The following TDRD6 variants were observed in gnomAD, a reference collection of about 807,000 sequenced individuals.
TDRD6 encodes tudor domain containing 6.
Under a neutral mutation model 157.5 loss-of-function variants are expected in TDRD6, and 186 were observed. That is an observed-to-expected ratio of 1.18 (90% CI 1.05 to 1.33). The LOEUF (loss-of-function observed/expected upper bound fraction) is 1.33. Ranked by LOEUF, TDRD6 falls within the 40% of genes most tolerant of loss-of-function variation. TDRD6 has a pLI of 0.00. For synonymous variants in TDRD6, 1,075 were observed against 945.2 expected, an observed-to-expected ratio of 1.14 and a Z score of -2.52; for missense variants, 3,066 against 2,508.0, an observed-to-expected ratio of 1.22 and a Z score of -4.75.
rs1302939635 is a variant in TDRD6 at position 46,692,233 on chromosome 6, T to G, written c.4105T>G (p.Trp1369Gly). Residue 1369 changes from tryptophan to glycine, a missense_variant, in exon 1 of 4, where the codon TGG becomes GGG. Transcript: ENST00000316081. ...TGCTGTTTTCCCAGAAGATAATTTA[T>G]GGTATCGTGCTGTGATCAAGGAGCA... is the stretch of plus-strand genomic sequence containing the variant. ...ICAVFPEDNL[W>G]YRAVIKEQQP... 1 of 1,614,006 alleles carries G rather than the reference T, an allele frequency of 6.2e-7. No individual in the cohort carries two copies. The highest frequency in any genetic ancestry group is 8.5e-7 in the Non-Finnish European group (1 of 1,180,004).
In TDRD6 at chr6:46,691,626, A is replaced by G. The variant is rs1290327710; in HGVS notation, c.3498A>G (p.Arg1166=). Reference sequence around the variant, plus strand: ...TACTTAGTTACAAAGATAGAATAAGAAAAAAAGAAAGTGAAGTCCTCTGTT... The same window carrying G: ...TACTTAGTTACAAAGATAGAATAAGGAAAAAAGAAAGTGAAGTCCTCTGTT... ...LGLLSYKDRI[R]KKESEVLCST... is the part of the protein sequence containing the mutation. The change falls in exon 1 of 4, where the codon AGA becomes AGG. Residue 1166 remains arginine (R), a synonymous_variant. Transcript: ENST00000316081. 5 of 1,613,044 alleles carry G rather than the reference A, an allele frequency of 3.1e-6. No individual in the cohort carries two copies. In the African/African-American group the frequency reaches 5.3e-5, roughly 17 times the overall value.
chr6:46,696,474 G>GTGTATATA (rs529814142), intron 2 of TDRD6, among the ~76,000 whole-genome samples: 1 of 131,512 alleles, frequency 7.6e-6, no homozygotes, highest in Admixed American at 7.9e-5. Flanking sequence ...GTATATGTGT[G>GTGTATATA]TATATATATA....
At chr6:46,699,556 C>T (rs557094693) in intron 3 of TDRD6, among the ~76,000 whole-genome samples, 8 of 152,250 alleles carry the variant, frequency 5.3e-5, no homozygotes, top group African/African-American at 1.9e-4. Context: ...TCCTTTATCC[C>T]TAGTCCACTG....
upstream of TDRD6, among the ~76,000 whole-genome samples, chr6:46,686,643 GA>G (rs1764102748): frequency 6.6e-6 from 1 of 152,176 alleles, no homozygotes. Context: ...AGTTTTCAAG[GA>G]TGAGTTCTTC....
intron 2 of TDRD6, 88 bp downstream of exon 2, chr6:46,696,033 A>G (rs1764486271): frequency 1.4e-6 from 2 of 1,414,070 alleles, no homozygotes; most frequent in South Asian, 2.7e-5. Context: ...AGAGAACGCG[A>G]TTGAACAAAT....
chr6:46,691,637 G>C lies in TDRD6; in HGVS notation c.3509G>C (p.Ser1170Thr). The C allele has an allele frequency of 6.2e-7, 1 of 1,613,208 alleles. No homozygotes were observed. Among genetic ancestry groups the C allele is most frequent in the South Asian group, 1.1e-5 (1 of 91,030 alleles). Residue 1170 changes from serine (S) to threonine (T), a missense_variant, in exon 1 of 4, where the codon AGT (serine) becomes ACT (threonine). By Grantham distance (58) the Ser-to-Thr change is moderately conservative. Transcript: ENST00000316081. ...SYKDRIRKKE[S>T]EVLCSTTETL... ...AAAGATAGAATAAGAAAAAAAGAAA[G>C]TGAAGTCCTCTGTTCTACAACTGAA...
At position 46,690,791 on chromosome 6, in the gene TDRD6, T is replaced by C. The variant is rs775001820; in HGVS notation, c.2663T>C (p.Ile888Thr). 6.2e-7 allele frequency: 1 copy of C among 1,614,104 alleles called. No individual in the cohort carries two copies. Among genetic ancestry groups the C allele is most frequent in the Non-Finnish European group, 8.5e-7 (1 of 1,180,002 alleles). Residue 888 changes from isoleucine (I) to threonine (T), a missense_variant, in exon 1 of 4, where the codon ATT (isoleucine) becomes ACT (threonine). Physicochemically the swap from Ile to Thr is moderately conservative, Grantham distance 89. Coordinates refer to ENST00000316081, the MANE Select transcript of TDRD6 (RefSeq NM_001010870.3). ...QAFRCSLYNL[I>T]QPVGQNPFVW... Reference sequence around the variant, plus strand: ...TTTAGGTGCAGTCTTTATAATTTAATTCAACCAGTTGGCCAGAATCCCTTT... The same window carrying C: ...TTTAGGTGCAGTCTTTATAATTTAACTCAACCAGTTGGCCAGAATCCCTTT...
At chr6:46,695,968 A>G in intron 2 of TDRD6, 23 bp downstream of exon 2, 1 of 1,605,116 alleles carries the variant, frequency 6.2e-7, no homozygotes, top group Non-Finnish European at 8.5e-7. Flanking sequence ...TAAGTACTTT[A>G]TCTCCAAATG....
Position 46,688,225 on chromosome 6 carries a change from T to C in TDRD6, c.97T>C (p.Trp33Arg). 6.5e-7 allele frequency: 1 copy of C among 1,530,938 alleles called. No homozygotes were observed. The highest frequency in any genetic ancestry group is 8.7e-7 in the Non-Finnish European group (1 of 1,146,028). The allele number at this position is 1,530,938 out of a possible 1,614,324, so 94.8% of individuals were successfully genotyped here. ...TCCCGATGTGATCCCGGTGCAGCTG[T>C]GGGGGCTGGTGGGCGAGCGGCGGGG... ...VHPDVIPVQL[W>R]GLVGERRGEY... Residue 33 changes from tryptophan (W) to arginine (R), a missense_variant, in exon 1 of 4, where the codon TGG becomes CGG. Coordinates refer to ENST00000316081, the MANE Select transcript of TDRD6 (RefSeq NM_001010870.3).
chr6:46,688,381 C>G lies in TDRD6; in HGVS notation c.253C>G (p.Arg85Gly), dbSNP rs1764175610. The part of the protein sequence containing the change: ...VQVGLLWHRC[R>G]VVSRQAQESR... ...GGTCGGGCTTTTGTGGCACCGCTGCCGCGTGGTCAGCCGGCAGGCACAGGA... is the reference window on the plus strand; with the variant it reads ...GGTCGGGCTTTTGTGGCACCGCTGCGGCGTGGTCAGCCGGCAGGCACAGGA... Residue 85 changes from arginine to glycine, a missense_variant, in exon 1 of 4, where the codon CGC becomes GGC. Arg to Gly is a moderately radical substitution (Grantham distance 125, BLOSUM62 -2). Transcript: ENST00000316081. The G allele has an allele frequency of 6.5e-7, 1 of 1,535,474 alleles. No individual in the cohort carries two copies. The highest frequency in any genetic ancestry group is 1.2e-5 in the South Asian group (1 of 83,958).
chr6:46,691,277 A>G lies in TDRD6; in HGVS notation c.3149A>G (p.Tyr1050Cys), dbSNP rs1764309022. Residue 1050 changes from tyrosine to cysteine, a missense_variant, in exon 1 of 4, where the codon TAT (tyrosine) becomes TGT (cysteine). By Grantham distance (194) the Tyr-to-Cys change is radical (BLOSUM62 -2). Coordinates refer to ENST00000316081, the MANE Select transcript of TDRD6 (RefSeq NM_001010870.3). Reference sequence around the variant, plus strand: ...GCCAAGTATACTGATGGAAACTGGTATAGGGGCATAGTAATAGAGAAAGAG... The same window carrying G: ...GCCAAGTATACTGATGGAAACTGGTGTAGGGGCATAGTAATAGAGAAAGAG... ...CLAKYTDGNW[Y>C]RGIVIEKEPK... is the part of the protein sequence containing the mutation. 4 of 1,613,996 alleles carry G rather than the reference A, an allele frequency of 2.5e-6. No individual in the cohort carries two copies. Among genetic ancestry groups the G allele is most frequent in the Non-Finnish European group, 3.4e-6 (4 of 1,179,970 alleles).
upstream of TDRD6, among the ~76,000 whole-genome samples, chr6:46,683,722 C>A (rs1019923587): frequency 1.2e-4 from 16 of 134,408 alleles, no homozygotes; most frequent in Non-Finnish European, 4.8e-5. Flanking sequence ...CTAATAACTA[C>A]AACTTATTAC....
Position 46,692,782 on chromosome 6 carries a change from C to T in TDRD6, c.4654C>T (p.Gln1552Ter). ...ACTTCAGTGTTTAGAAGTAGAAGTA[C>T]AGACTGCTGGAGAACAGGTAGCAGA... is the stretch of plus-strand genomic sequence containing the variant. ...EKLQCLEVEV[Q>*]TAGEQVADRR... The change falls in exon 1 of 4, where the codon CAG (glutamine) becomes TAG (stop). Residue 1552 changes from glutamine (Q) to a stop codon, truncating the protein, a stop_gained. Transcript: ENST00000316081. LOFTEE classifies it high-confidence loss of function. 2 of 1,614,134 alleles carry T rather than the reference C, an allele frequency of 1.2e-6. No individual in the cohort carries two copies. Among genetic ancestry groups the T allele is most frequent in the Non-Finnish European group, 1.7e-6 (2 of 1,180,016 alleles).
In TDRD6 at chr6:46,698,135, T is replaced by G. The variant is rs116468570; in HGVS notation, c.6261+48T>G. ...ATTAGTGAGAGCATTGTTCTTCATT[T>G]TGAAAGGTGATTTAACAAACTATTT... On this transcript the variant is annotated intron_variant, in intron 3 of 3. Transcript: ENST00000316081. 475 of 1,367,186 alleles carry G rather than the reference T, an allele frequency of 3.5e-4. 1 individual carries two copies. The African/African-American group carries it at 5.8e-3, about 17-fold the overall frequency. The allele number at this position is 1,367,186 out of a possible 1,614,324, so 84.7% of individuals were successfully genotyped here. A position where few individuals can be genotyped will look rare whatever the true frequency, so the allele number is the denominator to read the frequency against.
At position 46,688,108 on chromosome 6, in the gene TDRD6, G is replaced by A; in HGVS notation, c.-21G>A. On this transcript the variant is annotated 5_prime_UTR_variant, in exon 1 of 4. Coordinates refer to ENST00000316081, the MANE Select transcript of TDRD6 (RefSeq NM_001010870.3). ...CGCGGCCCTTAATTTCCGGAAGTGG[G>A]GGCCGCGCCGCGCCGTCAAGATGTG... 1 of 1,472,550 alleles carries A rather than the reference G, an allele frequency of 6.8e-7. No individual in the cohort carries two copies. The highest frequency in any genetic ancestry group is 8.9e-7 in the Non-Finnish European group (1 of 1,122,518). 91.2% of individuals were successfully genotyped at this position (1,472,550 alleles called of 1,614,324 possible). A position where few individuals can be genotyped will look rare whatever the true frequency, so the allele number is the denominator to read the frequency against.
At position 46,692,727 on chromosome 6, in the gene TDRD6, C is replaced by T; in HGVS notation, c.4599C>T (p.Tyr1533=). ...CCACTGTGATAGATGGACCTGAGTA[C>T]TTTTGGTGTCAGTTTGCTGATACGG... ...AYATVIDGPE[Y]FWCQFADTEK... Residue 1533 remains tyrosine, a synonymous_variant, in exon 1 of 4, where the codon TAC becomes TAT. Coordinates refer to ENST00000316081, the MANE Select transcript of TDRD6 (RefSeq NM_001010870.3). 1 of 1,614,078 alleles carries T rather than the reference C, an allele frequency of 6.2e-7. No homozygotes were observed. The highest frequency in any genetic ancestry group is 8.5e-7 in the Non-Finnish European group (1 of 1,180,028).
rs989754887 is a variant in TDRD6 at position 46,692,117 on chromosome 6, A to G, written c.3989A>G (p.Glu1330Gly). 2.5e-6 allele frequency: 4 copies of G among 1,613,442 alleles called. No individual in the cohort carries two copies. The African/African-American group carries it at 5.3e-5, about 22-fold the overall frequency. Reference protein sequence around the residue: ...FYVQLIEDEAEISHLSERLNS... With the variant: ...FYVQLIEDEAGISHLSERLNS... Reference sequence around the variant, plus strand: ...GTTCAACTAATAGAAGATGAAGCTGAAATTAGTCATCTTTCAGAGAGATTA... The same window carrying G: ...GTTCAACTAATAGAAGATGAAGCTGGAATTAGTCATCTTTCAGAGAGATTA... The change falls in exon 1 of 4, where the codon GAA (glutamate) becomes GGA (glycine). Residue 1330 changes from glutamate to glycine, a missense_variant. Transcript: ENST00000316081.
chr6:46,690,305 C>T lies in TDRD6; in HGVS notation c.2177C>T (p.Thr726Ile), dbSNP rs763525992. ...TTSVSKALSDTTVVTNGSTEL... is the reference protein window; with the variant it reads ...TTSVSKALSDITVVTNGSTEL... The stretch of plus-strand genomic sequence containing the variant: ...TCTGTTTCAAAAGCTTTGAGTGACA[C>T]AACAGTTGTAACAAATGGTTCAACT... Residue 726 changes from threonine to isoleucine, a missense_variant, in exon 1 of 4, where the codon ACA (threonine) becomes ATA (isoleucine). Transcript: ENST00000316081. The T allele has an allele frequency of 5.0e-6, 8 of 1,613,434 alleles. No homozygotes were observed. In the Admixed American group the frequency reaches 1.0e-4, roughly 20 times the overall value.
chr6:46,685,012 G>T (rs1764056628), upstream of TDRD6, among the ~76,000 whole-genome samples: 1 of 144,936 alleles, frequency 6.9e-6, no homozygotes, highest in East Asian at 2.0e-4. Flanking sequence ...ATAACATTGT[G>T]GGTTTTTTTT....
Sources: allele counts gnomAD v4.1 joint callset (sites outside exome capture counted in the v4.1 genomes callset), GRCh38; gene constraint gnomAD v4.1.1; transcripts MANE v1.5; gene names NCBI Gene and HGNC (gene_info 2026-07-23, HGNC 2026-07-21).